Variants in SPHKAP observed in about 807,000 individuals in gnomAD.
SPHKAP encodes A-kinase anchor protein SPHKAP.
A neutral mutation model predicts 137.5 loss-of-function variants in SPHKAP; 67 were observed. The ratio of observed to expected loss-of-function variants is 0.49; its 90% CI spans 0.40 to 0.60. The LOEUF (loss-of-function observed/expected upper bound fraction) is 0.60, where lower values mean the gene tolerates loss of function less well. Ranked by LOEUF, SPHKAP falls within the 20% of genes least tolerant of loss-of-function variation. SPHKAP has a pLI of 0.00. For synonymous variants in SPHKAP, 813 were observed against 785.3 expected, an observed-to-expected ratio of 1.04 and a Z score of -0.59; for missense variants, 2,097 against 2,069.3, an observed-to-expected ratio of 1.01 and a Z score of -0.26.
chr2:228,003,611 TG>T (rs1424886905), intron 7 of SPHKAP, among the ~76,000 whole-genome samples: 1 of 151,984 alleles, frequency 6.6e-6, no homozygotes, highest in Non-Finnish European at 1.5e-5. Context: ...TGGATAGGAG[TG>T]GTGAGAAAGG....
intron 7 of SPHKAP, among the ~76,000 whole-genome samples, chr2:228,006,176 C>G (rs1333270121): frequency 1.3e-5 from 2 of 152,172 alleles, no homozygotes; most frequent in East Asian, 3.8e-4. Context: ...TTCAGGTACA[C>G]CAATCCGATG....
intron 1 of SPHKAP, among the ~76,000 whole-genome samples, chr2:228,154,152 G>A (rs1700022237): frequency 6.6e-6 from 1 of 151,804 alleles, no homozygotes; most frequent in Non-Finnish European, 1.5e-5. Context: ...TCAACCAAAA[G>A]TAAATAAATA....
At position 228,074,412 on chromosome 2, in the gene SPHKAP, T is replaced by C. The variant is rs182312261; in HGVS notation, c.246+34420A>G. Reference sequence around the variant, plus strand: ...CATGACTGGGGAGGCCTCACAATTATGGCGGAAGGTGAAGGGGAAGCAAGA... The same window carrying C: ...CATGACTGGGGAGGCCTCACAATTACGGCGGAAGGTGAAGGGGAAGCAAGA... On this transcript the variant is annotated intron_variant, in intron 3 of 11. Transcript: ENST00000392056. Among the ~76,000 whole-genome samples the C allele has an allele frequency of 5.9e-5, 9 of 152,262 alleles. No individual in the cohort carries two copies. The East Asian group carries it at 1.4e-3, about 23-fold the overall frequency.
intron 1 of SPHKAP, among the ~76,000 whole-genome samples, chr2:228,161,830 G>A (rs1056564951): frequency 6.6e-6 from 1 of 152,036 alleles, no homozygotes; most frequent in South Asian, 2.1e-4. Flanking sequence ...TTGCCACCTC[G>A]GACTCCAAGC....
chr2:228,066,348 C>A (rs540508675), intron 3 of SPHKAP, among the ~76,000 whole-genome samples: 9 of 152,150 alleles, frequency 5.9e-5, no homozygotes, highest in African/African-American at 2.2e-4. Context: ...TGCCCATGAA[C>A]GTCTGACTTC....
At chr2:228,051,902 T>C (rs1467816603) in intron 3 of SPHKAP, among the ~76,000 whole-genome samples, 2 of 152,076 alleles carry the variant, frequency 1.3e-5, no homozygotes, top group Non-Finnish European at 2.9e-5. Flanking sequence ...ACAAATCCTA[T>C]TGATGAGAGT....
intron 3 of SPHKAP, among the ~76,000 whole-genome samples, chr2:228,104,228 ATGT>A (rs1698263629): frequency 9.6e-6 from 1 of 104,592 alleles, no homozygotes; most frequent in African/African-American, 3.1e-5. Flanking sequence ...TAAATATTAT[ATGT>A]TATATCATTA....
At chr2:228,089,206 G>T (rs1697639409) in intron 3 of SPHKAP, among the ~76,000 whole-genome samples, 2 of 152,198 alleles carry the variant, frequency 1.3e-5, no homozygotes, top group African/African-American at 4.8e-5. Context: ...AAAGTTATTG[G>T]GAAATGGAGC....
Position 228,020,002 on chromosome 2 carries a change from T to C in SPHKAP, c.852A>G (p.Glu284=), listed in dbSNP as rs1461976033. 1.1e-5 allele frequency: 17 copies of C among 1,614,230 alleles called. No individual in the cohort carries two copies. The highest frequency in any genetic ancestry group is 1.4e-5 in the Non-Finnish European group (17 of 1,180,034). ...TCTTTGTTAGGTTTTCTGGAGATCG[T>C]TCTGTTTTAATCAATGGTGTGGGAT... The part of the protein sequence containing the change: ...NKYPTPLIKT[E]RSPENLTKNT... Residue 284 remains glutamate, a synonymous_variant, in exon 7 of 12, where the codon GAA becomes GAG. Coordinates refer to ENST00000392056, the MANE Select transcript of SPHKAP (RefSeq NM_001142644.2).
intron 3 of SPHKAP, among the ~76,000 whole-genome samples, chr2:228,036,400 T>A (rs1695597115): frequency 1.3e-5 from 2 of 152,204 alleles, no homozygotes; most frequent in South Asian, 4.1e-4. Flanking sequence ...CTGGAGAGGA[T>A]GTGGAGAAAT....
At chr2:228,130,667 C>T (rs1021007793) in intron 2 of SPHKAP, among the ~76,000 whole-genome samples, 48 of 152,082 alleles carry the variant, frequency 3.2e-4, no homozygotes, top group African/African-American at 1.1e-3. Flanking sequence ...TATGATGAAG[C>T]ATTTATAATT....
At chr2:228,009,671 A>G (rs1023408808) in intron 7 of SPHKAP, among the ~76,000 whole-genome samples, 2 of 152,180 alleles carry the variant, frequency 1.3e-5, no homozygotes, top group African/African-American at 4.8e-5. Flanking sequence ...CTTTTCTTTA[A>G]ACAATGTTGA....
intron 1 of SPHKAP, among the ~76,000 whole-genome samples, chr2:228,139,941 T>TTTCTTTCTTTCTTTCTTTC (rs370386885): frequency 6.9e-6 from 1 of 145,018 alleles, no homozygotes; most frequent in South Asian, 2.1e-4. Flanking sequence ...TTTCTTTTTC[T>TTTCTTTCTTTCTTTCTTTC]TTTCTTTTTT....
chr2:228,016,744 G>A lies in SPHKAP; in HGVS notation c.4110C>T (p.Cys1370=). The part of the protein sequence containing the change: ...PTLLVQESLD[C]PRKDSVTECK... ...ATTCGGTAACAGAGTCTTTCCTCGG[G>A]CAATCGAGAGACTCCTGAACAAGCA... The change falls in exon 7 of 12, where the codon TGC becomes TGT. Residue 1370 remains cysteine, a synonymous_variant. Transcript: ENST00000392056. 2 of 1,614,026 alleles carry A rather than the reference G, an allele frequency of 1.2e-6. No individual in the cohort carries two copies. Among genetic ancestry groups the A allele is most frequent in the Non-Finnish European group, 1.7e-6 (2 of 1,180,004 alleles).
chr2:228,022,116 C>T (rs1225420719), intron 5 of SPHKAP, 150 bp from the exon 6 acceptor site: 4 of 1,322,634 alleles, frequency 3.0e-6, no homozygotes, highest in Non-Finnish European at 3.8e-6. Context: ...TATTAATAAA[C>T]TGCTTGAAAA....
rs1273797012 is a variant in SPHKAP, at chr2:227,980,901, C to T, written c.*816G>A. 1 of 152,174 alleles carries T rather than the reference C, an allele frequency of 6.6e-6. No individual in the cohort carries two copies. Among genetic ancestry groups the T allele is most frequent in the Non-Finnish European group, 1.5e-5 (1 of 68,028 alleles). The allele number at this position is 152,174 out of a possible 1,614,324, so 9.4% of individuals were successfully genotyped here. Reference sequence around the variant, plus strand: ...TAAAATAAAGTGAAAGTTTGTATTTCATATTATTCAAGACACAAGCAGATT... The same window carrying T: ...TAAAATAAAGTGAAAGTTTGTATTTTATATTATTCAAGACACAAGCAGATT... On this transcript the variant is annotated 3_prime_UTR_variant, in exon 12 of 12. Transcript: ENST00000392056.
chr2:228,062,224 G>A (rs537634671), intron 3 of SPHKAP, among the ~76,000 whole-genome samples: 3 of 148,992 alleles, frequency 2.0e-5, no homozygotes, highest in South Asian at 2.1e-4. Flanking sequence ...TCCTGGGTTC[G>A]AACAATTCTC....
At chr2:228,031,191 C>T (rs1695298438) in intron 3 of SPHKAP, among the ~76,000 whole-genome samples, 1 of 152,160 alleles carries the variant, frequency 6.6e-6, no homozygotes, top group African/African-American at 2.4e-5. Context: ...TTCCAACGGG[C>T]TTAAAAAACA....
intron 2 of SPHKAP, chr2:228,131,778 A>G: frequency 1.0e-6 from 1 of 984,602 alleles, no homozygotes. Context: ...GAGGCTTATG[A>G]TTTTCTATGC....
Sources: allele counts gnomAD v4.1 joint callset (sites outside exome capture counted in the v4.1 genomes callset), GRCh38; gene constraint gnomAD v4.1.1; transcripts MANE v1.5; gene names NCBI Gene and HGNC (gene_info 2026-07-23, HGNC 2026-07-21).